Variants in MBNL2 observed in about 807,000 individuals in gnomAD.
MBNL2 encodes the protein muscleblind-like protein 2.
In MBNL2, 17 loss-of-function variants were observed where a neutral mutation model predicts 41.9. The observed-to-expected ratio is 0.41, with a 90% CI of 0.28 to 0.61. The LOEUF is 0.61. Among genes scored for constraint, MBNL2 ranks in the 20% least tolerant of loss-of-function variants. MBNL2 has a pLI of 0.35. For synonymous variants in MBNL2, 195 were observed against 182.9 expected, an observed-to-expected ratio of 1.07 and a Z score of -0.53; for missense variants, 336 against 505.6, an observed-to-expected ratio of 0.66 and a Z score of 3.22.
intron 2 of MBNL2, among the ~76,000 whole-genome samples, chr13:97,304,347 C>G (rs1306213272): frequency 6.6e-6 from 1 of 152,194 alleles, no homozygotes; most frequent in Non-Finnish European, 1.5e-5. Context: ...ATTGCCTACA[C>G]TGACTATTCA....
chr13:97,308,046 TTA>T (rs1392622616), intron 2 of MBNL2, among the ~76,000 whole-genome samples: 2 of 152,228 alleles, frequency 1.3e-5, no homozygotes, highest in African/African-American at 4.8e-5. Flanking sequence ...CATAGAGCTA[TTA>T]TAATAAAAGG....
intron 8 of MBNL2, among the ~76,000 whole-genome samples, chr13:97,373,237 GC>G (rs2064563967): frequency 6.6e-6 from 1 of 152,150 alleles, no homozygotes; most frequent in African/African-American, 2.4e-5. Context: ...AGTAATCAGG[GC>G]CGAGACATCT....
chr13:97,166,631 T>G, the MBNL2 span, among the ~76,000 whole-genome samples: 1 of 152,130 alleles, frequency 6.6e-6, no homozygotes, highest in Non-Finnish European at 1.5e-5. Flanking sequence ...GCCTACACCT[T>G]TCTCCAGTGC....
the MBNL2 span, among the ~76,000 whole-genome samples, chr13:97,212,685 T>A: frequency 6.6e-6 from 1 of 152,182 alleles, no homozygotes; most frequent in Admixed American, 6.5e-5. Context: ...GAGATAATAA[T>A]AGTGTCATGG....
At chr13:97,151,820 C>T in the MBNL2 span, among the ~76,000 whole-genome samples, 9,294 of 152,126 alleles carry the variant, frequency 0.061, 967 homozygotes, top group African/African-American at 0.21. Context: ...CCCTGAAGAA[C>T]CTGAATGGTT....
intron 2 of MBNL2, among the ~76,000 whole-genome samples, chr13:97,300,266 CA>C (rs1269717277): frequency 6.6e-6 from 1 of 152,160 alleles, no homozygotes. Flanking sequence ...ACCATGTACC[CA>C]ACCATAGCTC....
At chr13:97,151,682 G>C in the MBNL2 span, among the ~76,000 whole-genome samples, 1 of 152,176 alleles carries the variant, frequency 6.6e-6, no homozygotes, top group Non-Finnish European at 1.5e-5. Flanking sequence ...GATGAAAATA[G>C]AGAAATTAAA....
At chr13:97,359,983 T>G (rs2063276542) in intron 7 of MBNL2, among the ~76,000 whole-genome samples, 1 of 152,230 alleles carries the variant, frequency 6.6e-6, no homozygotes, top group Admixed American at 6.5e-5. Context: ...ATTTTCTTTC[T>G]TATAAACCCA....
intron 2 of MBNL2, among the ~76,000 whole-genome samples, chr13:97,315,785 T>C (rs2058992085): frequency 6.6e-6 from 1 of 152,022 alleles, no homozygotes; most frequent in Non-Finnish European, 1.5e-5. Context: ...TGGAAGGCCT[T>C]GCTCATGGGT....
At chr13:97,286,162 C>T (rs1013236895) in intron 2 of MBNL2, among the ~76,000 whole-genome samples, 3 of 152,198 alleles carry the variant, frequency 2.0e-5, no homozygotes, top group African/African-American at 7.2e-5. Flanking sequence ...AACTGCTTAC[C>T]TGACATATCT....
the MBNL2 span, among the ~76,000 whole-genome samples, chr13:97,200,757 A>T: frequency 6.6e-6 from 1 of 152,162 alleles, no homozygotes; most frequent in African/African-American, 2.4e-5. Context: ...AATATTTTAA[A>T]CTAAGTAGGC....
At chr13:97,318,443 C>A (rs1466260293) in intron 2 of MBNL2, among the ~76,000 whole-genome samples, 3 of 152,172 alleles carry the variant, frequency 2.0e-5, no homozygotes, top group Non-Finnish European at 4.4e-5. Flanking sequence ...AAGAGCACCT[C>A]CCCCTCTCAA....
Position 97,346,726 on chromosome 13 carries a change from C to A in MBNL2, c.541-78C>A. 2 of 1,257,452 alleles carry A rather than the reference C, an allele frequency of 1.6e-6. No homozygotes were observed. Among genetic ancestry groups the A allele is most frequent in the Non-Finnish European group, 2.3e-6 (2 of 888,402 alleles). The allele number at this position is 1,257,452 out of a possible 1,614,324, so 77.9% of individuals were successfully genotyped here. A position where few individuals can be genotyped will look rare whatever the true frequency, so the allele number is the denominator to read the frequency against. ...ATTGAAAGCGAGGCAGCCTCCGCTC[C>A]TCCCGCGGTGGCCGGGGCCGCAGGG... On this transcript the variant is annotated intron_variant, in intron 4 of 8. Transcript: ENST00000679496. This position sits in a 1 kb window ranked among gnomAD's most constrained non-coding sequence, Gnocchi z 4.2.
chr13:97,203,348 T>C, the MBNL2 span, among the ~76,000 whole-genome samples: 1 of 152,186 alleles, frequency 6.6e-6, no homozygotes, highest in Non-Finnish European at 1.5e-5. Context: ...AATAATTCTG[T>C]GAATAGAGGC....
intron 2 of MBNL2, among the ~76,000 whole-genome samples, chr13:97,294,667 T>G (rs1235593959): frequency 6.6e-6 from 1 of 152,176 alleles, no homozygotes; most frequent in East Asian, 1.9e-4. Flanking sequence ...ATGGCCAAAT[T>G]TAGAAAACAT....
intron 2 of MBNL2, among the ~76,000 whole-genome samples, chr13:97,310,918 T>TA (rs758395542): frequency 6.6e-6 from 1 of 151,378 alleles, no homozygotes; most frequent in Non-Finnish European, 1.5e-5. Flanking sequence ...GCAGTTAAGG[T>TA]AAAAAGAAAA....
intron 1 of MBNL2, among the ~76,000 whole-genome samples, chr13:97,261,208 G>A (rs991812013): frequency 9.2e-5 from 14 of 152,116 alleles, no homozygotes; most frequent in African/African-American, 3.4e-4. Flanking sequence ...CTGAGCCCAT[G>A]ATGGATACAA....
chr13:97,391,610 C>G lies in MBNL2; in HGVS notation c.*161C>G. On this transcript the variant is annotated 3_prime_UTR_variant, in exon 9 of 9. Transcript: ENST00000679496. ...TTAAAGACATAAAGGATAAAGTTTACTTTTAAAGGGTTTCTAAACATAGTT... is the reference window on the plus strand; with the variant it reads ...TTAAAGACATAAAGGATAAAGTTTAGTTTTAAAGGGTTTCTAAACATAGTT... The G allele has an allele frequency of 1.7e-6, 1 of 578,264 alleles. No homozygotes were observed. The allele number at this position is 578,264 out of a possible 1,614,324, so 35.8% of individuals were successfully genotyped here.
chr13:97,279,890 T>C (rs1300124751), intron 2 of MBNL2, among the ~76,000 whole-genome samples: 1 of 152,236 alleles, frequency 6.6e-6, no homozygotes, highest in Non-Finnish European at 1.5e-5. Context: ...GAAAATATAG[T>C]ACAGTTCTTA....
Sources: gnomAD v4.1 joint callset for allele counts (sites outside exome capture counted in the v4.1 genomes callset) on GRCh38, gnomAD v4.1.1 for gene constraint, Gnocchi (gnomAD v3.1) non-coding constraint, MANE v1.5 for transcripts, NCBI Gene and HGNC (gene_info 2026-07-23, HGNC 2026-07-21) for gene names.